Variants in SRSF2 observed in about 807,000 individuals in gnomAD.
SRSF2 encodes the protein serine and arginine rich splicing factor 2.
SRSF2 carries 4 observed loss-of-function variants against 15.7 expected under a neutral mutation model. That is an observed-to-expected ratio of 0.26 (90% CI 0.13 to 0.58). The LOEUF is 0.58. Among genes scored for constraint, SRSF2 ranks in the 20% least tolerant of loss-of-function variants. The pLI, the probability that SRSF2 is intolerant of heterozygous loss-of-function variation, is 0.90. For synonymous variants in SRSF2, 192 were observed against 138.9 expected (o/e 1.38, Z -2.69); for missense variants, 147 against 332.4 (o/e 0.44, Z 4.34).
At chr17:76,735,905 TA>T in intron 2 of SRSF2, 1 of 596,116 alleles carries the variant, frequency 1.7e-6, no homozygotes, top group East Asian at 3.2e-5. Flanking sequence ...AGACGTTGGA[TA>T]AAAACAGCAA....
chr17:76,735,449 G>C, intron 2 of SRSF2: 1 of 226,378 alleles, frequency 4.4e-6, no homozygotes, highest in Non-Finnish European at 8.8e-6. Flanking sequence ...CTCGAGATCA[G>C]AGAATTGGTC....
In SRSF2 at chr17:76,735,031, T is replaced by C. The variant is rs965225098; in HGVS notation, c.*135A>G. 9.0e-6 allele frequency: 2 copies of C among 221,546 alleles called. No homozygotes were observed. Among genetic ancestry groups the C allele is most frequent in the African/African-American group, 4.5e-5 (2 of 44,642 alleles). The allele number at this position is 221,546 out of a possible 1,614,324, so 13.7% of individuals were successfully genotyped here. ...CCAACTGAGGCAAAGCTTAAACAAGTAAAAAGTTAGACAAATGTTACAAAA... is the reference window on the plus strand; with the variant it reads ...CCAACTGAGGCAAAGCTTAAACAAGCAAAAAGTTAGACAAATGTTACAAAA... On this transcript the variant is annotated 3_prime_UTR_variant, in exon 3 of 3. Transcript: ENST00000359995.
rs967172619 is a variant in SRSF2, at chr17:76,734,216, G to A, written c.*950C>T. ...AGCAAAAAGATACACCATGTTATAA[G>A]TACTTACAAAGTTACAACCATTTGC... is the stretch of plus-strand genomic sequence containing the variant. On this transcript the variant is annotated 3_prime_UTR_variant, in exon 3 of 3. Coordinates refer to ENST00000359995, the MANE Select transcript of SRSF2 (RefSeq NM_001195427.2). 4.5e-6 allele frequency: 1 copy of A among 221,460 alleles called. No individual in the cohort carries two copies. Among genetic ancestry groups the A allele is most frequent in the Non-Finnish European group, 9.0e-6 (1 of 110,656 alleles). The allele number at this position is 221,460 out of a possible 1,614,324, so 13.7% of individuals were successfully genotyped here.
At chr17:76,735,403 AAG>A (rs898968506) in intron 2 of SRSF2, 7 of 222,988 alleles carry the variant, frequency 3.1e-5, no homozygotes, top group South Asian at 1.9e-4. Flanking sequence ...AAGAAAAAAA[AAG>A]AAAAAAAAAA....
In SRSF2 at chr17:76,736,585, G is replaced by A. The variant is rs777130901; in HGVS notation, c.363-121C>T. ...CCAGACGCCATTTCCCCAGTCGCGA[G>A]GCGGGGTCCTCCGCCCCGCGCCGCC... On this transcript the variant is annotated intron_variant, in intron 1 of 2. Coordinates refer to ENST00000359995, the MANE Select transcript of SRSF2 (RefSeq NM_001195427.2). The A allele has an allele frequency of 1.7e-4, 210 of 1,257,570 alleles. 1 individual carries two copies. Among genetic ancestry groups the A allele is most frequent in the Non-Finnish European group, 2.0e-4 (192 of 945,404 alleles). 77.9% of individuals were successfully genotyped at this position (1,257,570 alleles called of 1,614,324 possible).
Position 76,734,240 on chromosome 17 carries a change from GCTTC to G in SRSF2, c.*922_*925del, listed in dbSNP as rs1035777123. 5 of 223,658 alleles carry G rather than the reference GCTTC, an allele frequency of 2.2e-5. No homozygotes were observed. The highest frequency in any genetic ancestry group is 1.3e-3 in the Middle Eastern group (1 of 754). The allele number at this position is 223,658 out of a possible 1,614,324, so 13.9% of individuals were successfully genotyped here. On this transcript the variant is annotated 3_prime_UTR_variant, in exon 3 of 3. Coordinates refer to ENST00000359995, the MANE Select transcript of SRSF2 (RefSeq NM_001195427.2). Reference sequence around the variant, plus strand: ...AGTACTTACAAAGTTACAACCATTTGCTTCCTTAACATTTTCCATGTTAAGTTCA... The same window carrying G: ...AGTACTTACAAAGTTACAACCATTTGCTTAACATTTTCCATGTTAAGTTCA...
At position 76,737,086 on chromosome 17, in the gene SRSF2, G is replaced by A. The variant is rs61742084; in HGVS notation, c.75C>T (p.Thr25=). The change falls in exon 1 of 3, where the codon ACC becomes ACT. Residue 25 remains threonine (T), a synonymous_variant. Coordinates refer to ENST00000359995, the MANE Select transcript of SRSF2 (RefSeq NM_001195427.2). The part of the protein sequence containing the change: ...SLKVDNLTYR[T]SPDTLRRVFE... ...AGACGCGCCTCAGCGTGTCGGGCGAGGTGCGGTAGGTCAGGTTGTCCACCT... is the reference window on the plus strand; with the variant it reads ...AGACGCGCCTCAGCGTGTCGGGCGAAGTGCGGTAGGTCAGGTTGTCCACCT... 5.2e-3 allele frequency: 8,406 copies of A among 1,612,280 alleles called. 354 individuals are homozygous for A. The African/African-American group carries it at 0.094, about 18-fold the overall frequency.
chr17:76,736,089 A>G, intron 2 of SRSF2, 65 bp downstream of exon 2: 1 of 1,487,546 alleles, frequency 6.7e-7, no homozygotes, highest in Non-Finnish European at 9.0e-7. Context: ...AACACGACTC[A>G]AAAAGACCTA....
At chr17:76,736,703 G>A (rs151217137) in intron 1 of SRSF2, 96 bp downstream of exon 1, 3 of 1,327,138 alleles carry the variant, frequency 2.3e-6, no homozygotes, top group Non-Finnish European at 2.9e-6. Flanking sequence ...CCCCGTCCGG[G>A]CCCGCACCAC....
At chr17:76,735,375 G>A (rs574560751) in intron 2 of SRSF2, 19 of 195,206 alleles carry the variant, frequency 9.7e-5, no homozygotes, top group African/African-American at 4.0e-4. Context: ...AATAACCAAG[G>A]TGAAGAAAGG....
rs753168772 is a variant in SRSF2 at position 76,737,198 on chromosome 17, C to T, written c.-38G>A. On this transcript the variant is annotated 5_prime_UTR_variant, in exon 1 of 3. Coordinates refer to ENST00000359995, the MANE Select transcript of SRSF2 (RefSeq NM_001195427.2). Reference sequence around the variant, plus strand: ...CGGCCCGGAGCCCCGCGAACTGGCGCCGGCTTCCTCAGCTCTGGGCGGTGC... The same window carrying T: ...CGGCCCGGAGCCCCGCGAACTGGCGTCGGCTTCCTCAGCTCTGGGCGGTGC... The T allele has an allele frequency of 5.3e-6, 8 of 1,508,664 alleles. No homozygotes were observed. Among genetic ancestry groups the T allele is most frequent in the East Asian group, 2.4e-5 (1 of 41,136 alleles). The allele number at this position is 1,508,664 out of a possible 1,614,324, so 93.5% of individuals were successfully genotyped here. A position where few individuals can be genotyped will look rare whatever the true frequency, so the allele number is the denominator to read the frequency against.
At chr17:76,736,757 GCGCCC>G (rs988605293) in intron 1 of SRSF2, 37 bp downstream of exon 1, 5 of 1,395,308 alleles carry the variant, frequency 3.6e-6, no homozygotes, top group Non-Finnish European at 3.7e-6. Context: ...GGCCTCCCGC[GCGCCC>G]CGCCCCGCCT....
upstream of SRSF2, chr17:76,737,406 C>T (rs1349151774): frequency 1.0e-5 from 5 of 483,808 alleles, no homozygotes; most frequent in African/African-American, 2.0e-5. Flanking sequence ...GGAAATGAAA[C>T]CTTCTGATTG....
chr17:76,736,447 C>T lies in SRSF2; in HGVS notation c.380G>A (p.Arg127His). 1 of 1,612,124 alleles carries T rather than the reference C, an allele frequency of 6.2e-7. No homozygotes were observed. The highest frequency in any genetic ancestry group is 8.5e-7 in the Non-Finnish European group (1 of 1,179,868). ...ACGACTCCGACTCCGGGATCGGCTG[C>T]GGCGACGCCGCCTAGGGCTGCGGGC... ...RRSRSPRRRR[R>H]SRSRSRSRSR... Residue 127 changes from arginine (R) to histidine (H), a missense_variant, in exon 2 of 3, where the codon CGC becomes CAC. By Grantham distance (29) the Arg-to-His change is conservative. Around this residue, in one of 2 missense-constraint regions of SRSF2, gnomAD observed 125 missense variants for 185.1 expected, o/e 0.68. Transcript: ENST00000359995.
Position 76,736,789 on chromosome 17 carries a change from C to T in SRSF2, c.362+10G>A. On this transcript the variant is annotated intron_variant, in intron 1 of 2. Coordinates refer to ENST00000359995, the MANE Select transcript of SRSF2 (RefSeq NM_001195427.2). ...GCCCCGCCTCCCGCGGTCCCCTCAG[C>T]CCCGTTTACCTGCGGCTCCGGCGTC... 1 of 1,532,136 alleles carries T rather than the reference C, an allele frequency of 6.5e-7. No individual in the cohort carries two copies. Among genetic ancestry groups the T allele is most frequent in the Non-Finnish European group, 8.7e-7 (1 of 1,144,430 alleles). The allele number at this position is 1,532,136 out of a possible 1,614,324, so 94.9% of individuals were successfully genotyped here.
chr17:76,736,704 C>G, intron 1 of SRSF2, 95 bp downstream of exon 1: 1 of 1,328,256 alleles, frequency 7.5e-7, no homozygotes, highest in Non-Finnish European at 9.7e-7. Context: ...CCCGTCCGGG[C>G]CCGCACCACG....
intron 1 of SRSF2, 26 bp from the exon 2 acceptor site, chr17:76,736,490 C>T (rs1393975551): frequency 7.5e-6 from 12 of 1,589,500 alleles, no homozygotes; most frequent in Non-Finnish European, 1.0e-5. Flanking sequence ...GCAAGCACAG[C>T]GGGGTTAATT....
chr17:76,737,367 C>G (rs959237413), upstream of SRSF2: 2 of 585,160 alleles, frequency 3.4e-6, no homozygotes, highest in African/African-American at 1.9e-5. Flanking sequence ...GTTTATATCG[C>G]TCCTCACAAA....
chr17:76,736,556 G>T, intron 1 of SRSF2, 92 bp from the exon 2 acceptor site: 1 of 1,386,250 alleles, frequency 7.2e-7, no homozygotes, highest in East Asian at 2.5e-5. Context: ...CCATTATCTC[G>T]CCGCCAGACG....
Sources: gnomAD v4.1 joint callset for allele counts on GRCh38, gnomAD v4.1.1 for gene constraint, gnomAD v4.1.1 regional missense constraint, MANE v1.5 for transcripts, NCBI Gene and HGNC (gene_info 2026-07-23, HGNC 2026-07-21) for gene names.